Variants in MYH9 observed in about 807,000 individuals in gnomAD.
MYH9 encodes myosin heavy chain 9, also known as myosin-9.
In MYH9, 29 loss-of-function variants were observed where a neutral mutation model predicts 241.9. The ratio of observed to expected loss-of-function variants is 0.12; its 90% CI spans 0.09 to 0.16. MYH9 has a LOEUF of 0.16. MYH9 is among the 10% of genes least tolerant of loss of function. The probability of loss-of-function intolerance (pLI) is 1.00; values close to 1 mark genes in which losing one functional copy is unlikely to be tolerated. For synonymous variants in MYH9, 1,047 were observed against 1,062.6 expected (o/e 0.99, Z 0.29); for missense variants, 1,803 against 2,595.5 (o/e 0.69, Z 6.63).
intron 2 of MYH9, among the ~76,000 whole-genome samples, chr22:36,343,265 A>AG (rs1310903800): frequency 6.6e-6 from 1 of 152,190 alleles, no homozygotes; most frequent in African/African-American, 2.4e-5. Flanking sequence ...GGCCACACAC[A>AG]GGGGCTCACA....
chr22:36,283,239 A>G (rs1283120933), intron 40 of MYH9, among the ~76,000 whole-genome samples: 2 of 152,172 alleles, frequency 1.3e-5, no homozygotes, highest in Non-Finnish European at 2.9e-5. Flanking sequence ...TATGCTTACA[A>G]AAAGAGCCCC....
At chr22:36,366,280 C>T (rs763210773) in intron 1 of MYH9, among the ~76,000 whole-genome samples, 14 of 152,092 alleles carry the variant, frequency 9.2e-5, no homozygotes, top group Non-Finnish European at 1.5e-4. Context: ...AAAAACACCA[C>T]CGTGACTTAT....
chr22:36,327,638 T>C (rs905819707), intron 3 of MYH9, 150 bp from the exon 4 acceptor site: 37 of 927,618 alleles, frequency 4.0e-5, no homozygotes, highest in Middle Eastern at 4.5e-4. Context: ...CACACCTGGC[T>C]AGGAGGAGCA....
rs2017022847 is a variant in MYH9 at position 36,309,341 on chromosome 22, T to C, written c.1784A>G (p.Asn595Ser). Residue 595 changes from asparagine (N) to serine (S), a missense_variant, in exon 15 of 41, where the codon AAC becomes AGC. By Grantham distance (46) the Asn-to-Ser change is conservative. Around this residue, in one of 11 missense-constraint regions of MYH9, gnomAD observed 163 missense variants for 349.7 expected, o/e 0.47. Coordinates refer to ENST00000216181, the MANE Select transcript of MYH9 (RefSeq NM_002473.6). ...GGACTGGTGGAGCAGTGTGGCGATG[T>C]TGTCATTCAGGGGATCCATGTTCTT... Reference protein sequence around the residue: ...LMKNMDPLNDNIATLLHQSSD... With the variant: ...LMKNMDPLNDSIATLLHQSSD... 7 of 1,614,144 alleles carry C rather than the reference T, an allele frequency of 4.3e-6. No homozygotes were observed. Among genetic ancestry groups the C allele is most frequent in the Non-Finnish European group, 5.9e-6 (7 of 1,180,016 alleles).
intron 7 of MYH9, among the ~76,000 whole-genome samples, 173 bp from the exon 8 acceptor site, chr22:36,321,069 C>T (rs971283740): frequency 3.9e-5 from 6 of 152,078 alleles, no homozygotes; most frequent in Non-Finnish European, 8.8e-5. Flanking sequence ...TCTCCTGCCT[C>T]AGCCTCCCAA....
rs770360786 is a variant in MYH9, at chr22:36,316,591, C to T, written c.1306G>A (p.Ala436Thr). Reference protein sequence around the residue: ...FRWLVLRINKALDKTKRQGAS... With the variant: ...FRWLVLRINKTLDKTKRQGAS... ...CCCTGCCTCTTGGTCTTGTCCAGAG[C>T]CTTGTTGATGCGCAGCACCAGCCAG... Residue 436 changes from alanine (A) to threonine (T), a missense_variant, in exon 12 of 41, where the codon GCT becomes ACT. Around this residue, in one of 11 missense-constraint regions of MYH9, gnomAD observed 222 missense variants for 359.9 expected, o/e 0.62. Transcript: ENST00000216181. 6.2e-7 allele frequency: 1 copy of T among 1,614,108 alleles called. No homozygotes were observed. The highest frequency in any genetic ancestry group is 2.2e-5 in the East Asian group (1 of 44,878).
Position 36,309,204 on chromosome 22 carries a change from A to G in MYH9, c.1843+78T>C, listed in dbSNP as rs9619603. On this transcript the variant is annotated intron_variant, in intron 15 of 40. Transcript: ENST00000216181. ...GGCACATGTGTACCCCTTGTTTGGC[A>G]GCTCGGCCCACTGTGGAGGTGGGAA... is the stretch of plus-strand genomic sequence containing the variant. The G allele has an allele frequency of 1.9e-3, 2,414 of 1,238,966 alleles. 34 individuals carry two copies. In the African/African-American group the frequency reaches 0.024, roughly 12 times the overall value. 76.7% of individuals were successfully genotyped at this position (1,238,966 alleles called of 1,614,324 possible). A position where few individuals can be genotyped will look rare whatever the true frequency, so the allele number is the denominator to read the frequency against.
At chr22:36,317,505 T>A (rs928603277) in intron 11 of MYH9, among the ~76,000 whole-genome samples, 3 of 152,240 alleles carry the variant, frequency 2.0e-5, no homozygotes, top group African/African-American at 7.2e-5. Context: ...AACAGTCTTG[T>A]CTTTCATGCA....
Position 36,293,803 on chromosome 22 carries a change from T to A in MYH9, c.3898A>T (p.Thr1300Ser). Residue 1300 changes from threonine to serine, a missense_variant, in exon 29 of 41, where the codon ACC becomes TCC. Physicochemically the swap from Thr to Ser is moderately conservative, Grantham distance 58. This residue lies in a region of MYH9 where 876 missense variants were observed against 1,077.8 expected (regional missense o/e 0.81). Transcript: ENST00000216181. The surrounding 1 kb of genome is among the most constrained non-coding windows in gnomAD (Gnocchi z 5.1). ...SQSDSKSSKL[T>S]KDFSALESQL... ...GACTCCAGCGCGGAGAAGTCCTTGG[T>A]GAGCTTGCTGGACTTGCTGTCGGAC... 6.2e-7 allele frequency: 1 copy of A among 1,613,570 alleles called. No individual in the cohort carries two copies. Among genetic ancestry groups the A allele is most frequent in the Non-Finnish European group, 8.5e-7 (1 of 1,179,662 alleles).
intron 21 of MYH9, among the ~76,000 whole-genome samples, 167 bp downstream of exon 21, chr22:36,301,367 A>G (rs1603483068): frequency 6.6e-6 from 1 of 152,066 alleles, no homozygotes; most frequent in East Asian, 1.9e-4. Flanking sequence ...CTTAACACCC[A>G]ATGGGGTCTG....
intron 23 of MYH9, 66 bp from the exon 24 acceptor site, chr22:36,299,108 G>T: frequency 6.2e-7 from 1 of 1,607,128 alleles, no homozygotes; most frequent in Non-Finnish European, 8.5e-7. Flanking sequence ...TAGCCTCAAA[G>T]CATGACTCGC....
At chr22:36,377,688 T>C (rs1804502544) in intron 1 of MYH9, among the ~76,000 whole-genome samples, 1 of 151,712 alleles carries the variant, frequency 6.6e-6, no homozygotes, top group African/African-American at 2.4e-5. Flanking sequence ...GGCGGGCGGA[T>C]CATGAGGTCA....
chr22:36,347,260 G>C (rs2017691778), intron 2 of MYH9, among the ~76,000 whole-genome samples: 1 of 151,846 alleles, frequency 6.6e-6, no homozygotes, highest in Admixed American at 6.6e-5. Context: ...TGCTGCATGT[G>C]CTGGCCCTTT....
At chr22:36,367,222 G>C (rs1397675071) in intron 1 of MYH9, among the ~76,000 whole-genome samples, 1 of 152,146 alleles carries the variant, frequency 6.6e-6, no homozygotes, top group Non-Finnish European at 1.5e-5. Context: ...GGATCTCGCT[G>C]AGGAAGCAAA....
At chr22:36,351,668 C>T (rs1027685001) in intron 1 of MYH9, among the ~76,000 whole-genome samples, 7 of 152,130 alleles carry the variant, frequency 4.6e-5, no homozygotes, top group Non-Finnish European at 8.8e-5. Context: ...CTCCCCATCG[C>T]GCCCCTGCCC....
intron 1 of MYH9, among the ~76,000 whole-genome samples, chr22:36,379,801 G>A (rs182252594): frequency 6.6e-6 from 1 of 152,312 alleles, no homozygotes; most frequent in Non-Finnish European, 1.5e-5. Flanking sequence ...AGCCACTGAG[G>A]GACTCCCAGC....
In MYH9 at chr22:36,282,681, T is replaced by C. The variant is rs771206414; in HGVS notation, c.5870A>G (p.Lys1957Arg). ...AGGAGAAGAGGCTTATTCGGCAGGTTTGGCCTCAGCCCCATCCGCTTTGCC... is the reference window on the plus strand; with the variant it reads ...AGGAGAAGAGGCTTATTCGGCAGGTCTGGCCTCAGCCCCATCCGCTTTGCC... ...VDGKADGAEAKPAE is the reference protein window; with the variant it reads ...VDGKADGAEARPAE Residue 1957 changes from lysine (K) to arginine (R), a missense_variant, in exon 41 of 41, where the codon AAA becomes AGA. This residue lies in a region of MYH9 where 876 missense variants were observed against 1,077.8 expected (regional missense o/e 0.81). Coordinates refer to ENST00000216181, the MANE Select transcript of MYH9 (RefSeq NM_002473.6). 4 of 1,613,924 alleles carry C rather than the reference T, an allele frequency of 2.5e-6. No homozygotes were observed. The South Asian group carries it at 3.3e-5, about 13-fold the overall frequency.
intron 14 of MYH9, among the ~76,000 whole-genome samples, chr22:36,311,156 G>A (rs1028337951): frequency 1.3e-5 from 2 of 152,200 alleles, no homozygotes; most frequent in African/African-American, 2.4e-5. Flanking sequence ...TAACTGTTAG[G>A]GTCTTTGTGC....
chr22:36,300,964 T>C lies in MYH9; in HGVS notation c.2725A>G (p.Lys909Glu). Reference protein sequence around the residue: ...AEELRARLTAKKQELEEICHD... With the variant: ...AEELRARLTAEKQELEEICHD... ...CAGATCTCTTCTAATTCCTGCTTCTTGGCGGTCAGGCGGGCCCGGAGCTCC... is the reference window on the plus strand; with the variant it reads ...CAGATCTCTTCTAATTCCTGCTTCTCGGCGGTCAGGCGGGCCCGGAGCTCC... Residue 909 changes from lysine (K) to glutamate (E), a missense_variant, in exon 22 of 41, where the codon AAG (lysine) becomes GAG (glutamate). Lys to Glu is a moderately conservative substitution (Grantham distance 56). Transcript: ENST00000216181. This position sits in a 1 kb window ranked among gnomAD's most constrained non-coding sequence, Gnocchi z 5.0. 6.2e-7 allele frequency: 1 copy of C among 1,611,708 alleles called. No individual in the cohort carries two copies. Among genetic ancestry groups the C allele is most frequent in the South Asian group, 1.1e-5 (1 of 91,080 alleles).
Sources: allele counts gnomAD v4.1 joint callset (sites outside exome capture counted in the v4.1 genomes callset), GRCh38; gene constraint gnomAD v4.1.1; regional missense constraint gnomAD v4.1.1; non-coding constraint Gnocchi (gnomAD v3.1); transcripts MANE v1.5; gene names NCBI Gene and HGNC (gene_info 2026-07-23, HGNC 2026-07-21).